ESYT1: variants seen among roughly 807,000 people sequenced by gnomAD.
ESYT1 encodes the protein extended synaptotagmin-1.
ESYT1 carries 116 observed loss-of-function variants against 154.2 expected under a neutral mutation model. That is an observed-to-expected ratio of 0.75 (90% CI 0.65 to 0.88). The LOEUF (loss-of-function observed/expected upper bound fraction) is 0.88, where lower values mean the gene tolerates loss of function less well. ESYT1 is among the 40% of genes least tolerant of loss of function. ESYT1 has a pLI of 0.00. For synonymous variants in ESYT1, 500 were observed against 539.9 expected (o/e 0.93, Z 1.02); for missense variants, 1,264 against 1,379.3 (o/e 0.92, Z 1.32).
In ESYT1 at chr12:56,142,321, T is replaced by A; in HGVS notation, c.2629T>A (p.Ser877Thr). The A allele has an allele frequency of 6.2e-7, 1 of 1,614,170 alleles. No homozygotes were observed. The highest frequency in any genetic ancestry group is 8.5e-7 in the Non-Finnish European group (1 of 1,180,036). Residue 877 changes from serine to threonine, a missense_variant, in exon 25 of 31, where the codon TCC becomes ACC. Transcript: ENST00000394048. The surrounding 1 kb of genome is among the most constrained non-coding windows in gnomAD (Gnocchi z 4.1). The stretch of plus-strand genomic sequence containing the variant: ...GGGCACTGGCGTGCTGGGCTCATTA[T>A]CCCTGCCCCTCTCAGAGCTCCTCGT... Reference protein sequence around the residue: ...GEGTGVLGSLSLPLSELLVAD... With the variant: ...GEGTGVLGSLTLPLSELLVAD...
At chr12:56,134,252 C>G in intron 14 of ESYT1, 71 bp downstream of exon 14, 3 of 1,599,894 alleles carry the variant, frequency 1.9e-6, no homozygotes, top group Non-Finnish European at 1.7e-6. Context: ...ATGGTTTCCC[C>G]TTTAGAATGC....
chr12:56,132,686 C>T, intron 9 of ESYT1, 33 bp from the exon 10 acceptor site: 1 of 1,613,624 alleles, frequency 6.2e-7, no homozygotes, highest in Non-Finnish European at 8.5e-7. Context: ...CAGCTGCAGC[C>T]CCATGAGACA....
In ESYT1 at chr12:56,143,013, G is replaced by T; in HGVS notation, c.2988-4G>T. The T allele has an allele frequency of 2.5e-6, 4 of 1,614,110 alleles. No individual in the cohort carries two copies. The highest frequency in any genetic ancestry group is 3.4e-6 in the Non-Finnish European group (4 of 1,180,000). On this transcript the variant is annotated splice_polypyrimidine_tract_variant and splice_region_variant and intron_variant, in intron 27 of 30. Coordinates refer to ENST00000394048, the MANE Select transcript of ESYT1 (RefSeq NM_015292.3). ...ACCATATCACCTACATCCTCCTGTT[G>T]TAGGTCCCTTCGACAGAATGGACGT...
chr12:56,136,084 G>T (rs61938987), intron 15 of ESYT1, among the ~76,000 whole-genome samples: 1 of 147,644 alleles, frequency 6.8e-6, no homozygotes, highest in Non-Finnish European at 1.5e-5. Flanking sequence ...AAAAAAAAAG[G>T]AACAGAAGAA....
At chr12:56,143,383 A>G (rs1305100092) in intron 29 of ESYT1, 50 bp downstream of exon 29, 1 of 1,587,140 alleles carries the variant, frequency 6.3e-7, no homozygotes, top group African/African-American at 1.3e-5. Flanking sequence ...AGCTGCTGGC[A>G]CCAAGGTTAT....
rs1284255156 is a variant in ESYT1 at position 56,142,679 on chromosome 12, T to TC, written c.2836dup (p.His946ProfsTer17). 1 of 1,613,896 alleles carries TC rather than the reference T, an allele frequency of 6.2e-7. No individual in the cohort carries two copies. Among genetic ancestry groups the TC allele is most frequent in the South Asian group, 1.1e-5 (1 of 91,082 alleles). ...AACCAGAGCTCTCGGGGGGACCCCC[T>TC]CACATCACCTCCTCAGCCCCAGAGC... On this transcript the variant is annotated frameshift_variant, in exon 26 of 31. Transcript: ENST00000394048. LOFTEE classifies it high-confidence loss of function. This position sits in a 1 kb window ranked among gnomAD's most constrained non-coding sequence, Gnocchi z 4.1.
Position 56,144,673 on chromosome 12 carries a change from C to A in ESYT1, c.*811C>A. 1.0e-6 allele frequency: 1 copy of A among 985,420 alleles called. No individual in the cohort carries two copies. Among genetic ancestry groups the A allele is most frequent in the Non-Finnish European group, 1.2e-6 (1 of 829,930 alleles). 61.0% of individuals were successfully genotyped at this position (985,420 alleles called of 1,614,324 possible). On this transcript the variant is annotated 3_prime_UTR_variant, in exon 31 of 31. Transcript: ENST00000394048. Reference sequence around the variant, plus strand: ...CTTACATTAAACATCATACTCAAACCAGCTGTGGTTCTTTTCCTTAAGGAT... The same window carrying A: ...CTTACATTAAACATCATACTCAAACAAGCTGTGGTTCTTTTCCTTAAGGAT...
chr12:56,129,822 G>T (rs1445961411), intron 1 of ESYT1, among the ~76,000 whole-genome samples: 1 of 152,100 alleles, frequency 6.6e-6, no homozygotes, highest in South Asian at 2.1e-4. Flanking sequence ...TAGGTCTTCT[G>T]GCCCCTCCCT....
chr12:56,142,990 C>T lies in ESYT1; in HGVS notation c.2988-27C>T. ...GCCTCCATCCCTTCCCTCAGGTTAC[C>T]ATATCACCTACATCCTCCTGTTGTA... On this transcript the variant is annotated intron_variant, in intron 27 of 30. Transcript: ENST00000394048. The surrounding 1 kb of genome is among the most constrained non-coding windows in gnomAD (Gnocchi z 4.1). The T allele has an allele frequency of 6.2e-7, 1 of 1,614,162 alleles. No individual in the cohort carries two copies. Among genetic ancestry groups the T allele is most frequent in the Non-Finnish European group, 8.5e-7 (1 of 1,180,036 alleles).
At chr12:56,137,145 C>G (rs1870491202) in intron 16 of ESYT1, 73 bp from the exon 17 acceptor site, 1 of 1,576,154 alleles carries the variant, frequency 6.3e-7, no homozygotes, top group Admixed American at 1.7e-5. Flanking sequence ...CCCTCCTCTA[C>G]CCCACCCCAC....
intron 1 of ESYT1, 109 bp downstream of exon 1, chr12:56,128,818 G>A (rs1870111910): frequency 3.3e-5 from 46 of 1,387,538 alleles, no homozygotes; most frequent in Non-Finnish European, 4.4e-5. Flanking sequence ...GGGACAGTGG[G>A]CCCCAGACTT....
rs763052138 is a variant in ESYT1 at position 56,133,781 on chromosome 12, G to C, written c.1381G>C (p.Val461Leu). Residue 461 changes from valine to leucine, a missense_variant and splice_region_variant, in exon 13 of 31, where the codon GTT becomes CTT. Physicochemically the swap from Val to Leu is conservative, Grantham distance 32. Coordinates refer to ENST00000394048, the MANE Select transcript of ESYT1 (RefSeq NM_015292.3). The stretch of plus-strand genomic sequence containing the variant: ...TCTGACTACTACCACCCCTCCCCAG[G>C]TTCTACAGTGGAATTGGGGAGTCTC... ...LLSDAEKLEQVLQWNWGVSSR... is the reference protein window; with the variant it reads ...LLSDAEKLEQLLQWNWGVSSR... 1 of 1,614,040 alleles carries C rather than the reference G, an allele frequency of 6.2e-7. No individual in the cohort carries two copies. Among genetic ancestry groups the C allele is most frequent in the African/African-American group, 1.3e-5 (1 of 74,996 alleles).
Position 56,143,898 on chromosome 12 carries a change from CT to C in ESYT1, c.*37del, listed in dbSNP as rs766577401. On this transcript the variant is annotated 3_prime_UTR_variant, in exon 31 of 31. Transcript: ENST00000394048. Reference sequence around the variant, plus strand: ...GTCCCAGCCTGACTGCTCTGTCTTCCTGCCTTCGTCTCGCTCCATCACCGCC... The same window carrying C: ...GTCCCAGCCTGACTGCTCTGTCTTCCGCCTTCGTCTCGCTCCATCACCGCC... 1.4e-5 allele frequency: 22 copies of C among 1,613,182 alleles called. No individual in the cohort carries two copies. The African/African-American group carries it at 1.7e-4, about 13-fold the overall frequency.
chr12:56,136,548 G>A lies in ESYT1; in HGVS notation c.1633-196G>A, dbSNP rs1355307750. Among the ~76,000 whole-genome samples, 5 of 146,956 alleles carry A rather than the reference G, an allele frequency of 3.4e-5. No individual in the cohort carries two copies. In the South Asian group the frequency reaches 8.5e-4, roughly 25 times the overall value. On this transcript the variant is annotated intron_variant, in intron 15 of 30. Coordinates refer to ENST00000394048, the MANE Select transcript of ESYT1 (RefSeq NM_015292.3). ...CGAAGTTGCAGTGAGCCAAGATGGC[G>A]CCATTGCACTCCAGCATGGGCGACA... is the stretch of plus-strand genomic sequence containing the variant.
rs371314127 is a variant in ESYT1 at position 56,134,214 on chromosome 12, G to A, written c.1545+33G>A. On this transcript the variant is annotated intron_variant, in intron 14 of 30. Transcript: ENST00000394048. Reference sequence around the variant, plus strand: ...CCAGGACATCATTGTGGGTGGCCAGGTAGGACAGGGAGAGGCCTATTCTTG... The same window carrying A: ...CCAGGACATCATTGTGGGTGGCCAGATAGGACAGGGAGAGGCCTATTCTTG... 3.6e-4 allele frequency: 576 copies of A among 1,609,848 alleles called. 3 individuals are homozygous for A. Among genetic ancestry groups the A allele is most frequent in the South Asian group, 1.2e-3 (112 of 90,990 alleles).
rs112882931 is a variant in ESYT1, at chr12:56,133,812, G to A, written c.1412G>A (p.Arg471Gln). 1.7e-4 allele frequency: 277 copies of A among 1,614,112 alleles called. No homozygotes were observed. The African/African-American group carries it at 2.9e-3, about 17-fold the overall frequency. Reference protein sequence around the residue: ...VLQWNWGVSSRPDPPSAAILV... With the variant: ...VLQWNWGVSSQPDPPSAAILV... ...CAGTGGAATTGGGGAGTCTCCTCTC[G>A]ACCAGATCCCCCGTCAGCTGCCATC... Residue 471 changes from arginine to glutamine, a missense_variant, in exon 13 of 31, where the codon CGA becomes CAA. Coordinates refer to ENST00000394048, the MANE Select transcript of ESYT1 (RefSeq NM_015292.3).
rs753977735 is a variant in ESYT1, at chr12:56,137,665, A to T, written c.2105A>T (p.Glu702Val). 3.1e-6 allele frequency: 5 copies of T among 1,613,842 alleles called. No homozygotes were observed. In the East Asian group the frequency reaches 1.1e-4, roughly 36 times the overall value. ...GAAGATCTCAATCCCCGCTGGAATG[A>T]GGTTTTTGAGGTCAGAATTGAGTGG... is the stretch of plus-strand genomic sequence containing the variant. ...VREDLNPRWN[E>V]VFEVIVTSVP... Residue 702 changes from glutamate to valine, a missense_variant, in exon 18 of 31, where the codon GAG becomes GTG. By Grantham distance (121) the Glu-to-Val change is moderately radical. Transcript: ENST00000394048.
In ESYT1 at chr12:56,131,290, T is replaced by C; in HGVS notation, c.688T>C (p.Cys230Arg). The C allele has an allele frequency of 6.2e-7, 1 of 1,614,154 alleles. No homozygotes were observed. Among genetic ancestry groups the C allele is most frequent in the Non-Finnish European group, 8.5e-7 (1 of 1,180,036 alleles). ...QIDVEVKKYF[C>R]KAGVKGMQLH... Reference sequence around the variant, plus strand: ...TGATGTGGAAGTGAAGAAATATTTTTGCAAAGCAGGAGTCAAGGGCATGCA... The same window carrying C: ...TGATGTGGAAGTGAAGAAATATTTTCGCAAAGCAGGAGTCAAGGGCATGCA... Residue 230 changes from cysteine (C) to arginine (R), a missense_variant, in exon 5 of 31, where the codon TGC (cysteine) becomes CGC (arginine). Cys to Arg is a radical substitution (Grantham distance 180). Transcript: ENST00000394048.
rs773609344 is a variant in ESYT1, at chr12:56,142,390, G to C, written c.2698G>C (p.Gly900Arg). ...CLDRWFTLSS[G>R]QGQVLLRAQL... Reference sequence around the variant, plus strand: ...GGACCGCTGGTTTACACTCAGCAGTGGTCAGGGGCAGGTGCTACTGAGAGC... The same window carrying C: ...GGACCGCTGGTTTACACTCAGCAGTCGTCAGGGGCAGGTGCTACTGAGAGC... Residue 900 changes from glycine to arginine, a missense_variant, in exon 25 of 31, where the codon GGT becomes CGT. Physicochemically the swap from Gly to Arg is moderately radical, Grantham distance 125. Transcript: ENST00000394048. The surrounding 1 kb of genome is among the most constrained non-coding windows in gnomAD (Gnocchi z 4.1). 3.1e-6 allele frequency: 5 copies of C among 1,614,050 alleles called. No homozygotes were observed. The Admixed American group carries it at 6.7e-5, about 22-fold the overall frequency.
Sources: gnomAD v4.1 joint callset for allele counts (sites outside exome capture counted in the v4.1 genomes callset) on GRCh38, gnomAD v4.1.1 for gene constraint, Gnocchi (gnomAD v3.1) non-coding constraint, MANE v1.5 for transcripts, NCBI Gene and HGNC (gene_info 2026-07-23, HGNC 2026-07-21) for gene names.